The following ADGRV1 variants were observed in gnomAD, a reference collection of about 807,000 sequenced individuals.
ADGRV1 encodes the protein adhesion G protein-coupled receptor V1.
Under a neutral mutation model 596.2 loss-of-function variants are expected in ADGRV1, and 359 were observed. The ratio of observed to expected loss-of-function variants is 0.60; its 90% confidence interval spans 0.55 to 0.66. The LOEUF (loss-of-function observed/expected upper bound fraction) is 0.66. Ranked by LOEUF, ADGRV1 falls within the 30% of genes least tolerant of loss-of-function variation. The probability of loss-of-function intolerance (pLI) is 0.00; values close to 1 mark genes in which losing one functional copy is unlikely to be tolerated. For missense variants in ADGRV1, 7,274 were observed against 7,575.6 expected (o/e 0.96, Z 1.48); for synonymous variants, 2,681 against 2,679.2 (o/e 1.00, Z -0.02).
rs886506201 is a variant in ADGRV1 at position 90,776,832 on chromosome 5, T to G, written c.12527+256T>G. ...CACAAATTACACCAAGGAAAGCACATGGAGTTGAGATCAGAAAATCTATGT... is the reference window on the plus strand; with the variant it reads ...CACAAATTACACCAAGGAAAGCACAGGGAGTTGAGATCAGAAAATCTATGT... On this transcript the variant is annotated intron_variant, in intron 61 of 89. Coordinates refer to ENST00000405460, the MANE Select transcript of ADGRV1 (RefSeq NM_032119.4). 2.0e-5 allele frequency among the ~76,000 whole-genome samples: 3 copies of G among 152,142 alleles called. No homozygotes were observed. In the East Asian group the frequency reaches 5.8e-4, roughly 29 times the overall value.
At chr5:91,135,727 C>G (rs1242356830) in intron 87 of ADGRV1, among the ~76,000 whole-genome samples, 1 of 152,122 alleles carries the variant, frequency 6.6e-6, no homozygotes, top group Non-Finnish European at 1.5e-5. Context: ...TGCAGGGCAC[C>G]ATGCTGGGCT....
intron 1 of ADGRV1, among the ~76,000 whole-genome samples, chr5:90,608,208 T>C (rs1174557077): frequency 2.0e-5 from 3 of 152,018 alleles, no homozygotes; most frequent in Non-Finnish European, 4.4e-5. Context: ...TGTGAAATAA[T>C]AGGAGTTCTA....
Position 90,643,996 on chromosome 5 carries a change from G to C in ADGRV1, c.2734+13G>C. ...GCTATCTATAGTGGTAATTTATTCT[G>C]TGTCTTATATTGTATTTCTGTTTAC... On this transcript the variant is annotated intron_variant, in intron 14 of 89. Coordinates refer to ENST00000405460, the MANE Select transcript of ADGRV1 (RefSeq NM_032119.4). The C allele has an allele frequency of 6.6e-7, 1 of 1,523,992 alleles. No homozygotes were observed. Among genetic ancestry groups the C allele is most frequent in the Non-Finnish European group, 9.0e-7 (1 of 1,116,098 alleles). The allele number at this position is 1,523,992 out of a possible 1,614,324, so 94.4% of individuals were successfully genotyped here.
intron 1 of ADGRV1, among the ~76,000 whole-genome samples, chr5:90,596,869 G>C (rs1456664424): frequency 6.6e-6 from 1 of 152,174 alleles, no homozygotes; most frequent in Admixed American, 6.5e-5. Flanking sequence ...GGGAGAGTGA[G>C]AGCTCTGGCA....
At chr5:90,755,581 G>C (rs1305538115) in intron 55 of ADGRV1, among the ~76,000 whole-genome samples, 14 of 151,768 alleles carry the variant, frequency 9.2e-5, no homozygotes. Flanking sequence ...TTCCTTTCAT[G>C]ATATGATTAC....
chr5:90,815,665 G>T lies in ADGRV1; in HGVS notation c.16125G>T (p.Gln5375His). 1 of 1,580,274 alleles carries T rather than the reference G, an allele frequency of 6.3e-7. No individual in the cohort carries two copies. Among genetic ancestry groups the T allele is most frequent in the South Asian group, 1.2e-5 (1 of 85,854 alleles). ...NGIIGFSEES[Q>H]SGLELREGAV... ...TCATAGGATTCAGTGAGGAGTCCCA[G>T]AGTGGACTAGAACTCAGGGAAGGAG... Residue 5375 changes from glutamine (Q) to histidine (H), a missense_variant, in exon 75 of 90, where the codon CAG becomes CAT. By Grantham distance (24) the Gln-to-His change is conservative (BLOSUM62 0). This residue lies in a region of ADGRV1 where 1,874 missense variants were observed against 1,970.2 expected (regional missense o/e 0.95). Coordinates refer to ENST00000405460, the MANE Select transcript of ADGRV1 (RefSeq NM_032119.4).
At chr5:91,119,839 G>A (rs1357894500) in intron 87 of ADGRV1, among the ~76,000 whole-genome samples, 1 of 152,164 alleles carries the variant, frequency 6.6e-6, no homozygotes, top group Admixed American at 6.5e-5. Flanking sequence ...ACTAGCACAA[G>A]TCTTTTCCAG....
intron 17 of ADGRV1, among the ~76,000 whole-genome samples, chr5:90,650,745 C>T (rs1480217840): frequency 6.6e-6 from 1 of 151,786 alleles, no homozygotes; most frequent in Admixed American, 6.6e-5. Flanking sequence ...GTGTGTGTCC[C>T]AATATAATAT....
intron 70 of ADGRV1, chr5:90,792,355 C>G (rs2443069): frequency 6.6e-6 from 1 of 152,124 alleles, no homozygotes; most frequent in African/African-American, 2.4e-5. Flanking sequence ...CTATCATTTC[C>G]GGATAAGCAA....
At chr5:90,625,408 C>A in intron 6 of ADGRV1, 165 bp downstream of exon 6, 1 of 486,316 alleles carries the variant, frequency 2.1e-6, no homozygotes, top group Non-Finnish European at 3.7e-6. Flanking sequence ...CATTAAATTA[C>A]ACATCTAAAA....
At chr5:90,575,344 C>T (rs970573924) in intron 1 of ADGRV1, among the ~76,000 whole-genome samples, 3 of 152,060 alleles carry the variant, frequency 2.0e-5, no homozygotes, top group African/African-American at 4.8e-5. Flanking sequence ...ACCTTTGCCT[C>T]CCGGATTCAA....
At chr5:90,574,977 T>C (rs934977276) in intron 1 of ADGRV1, among the ~76,000 whole-genome samples, 1 of 152,172 alleles carries the variant, frequency 6.6e-6, no homozygotes, top group Non-Finnish European at 1.5e-5. Context: ...ATCTTCTCTT[T>C]CTGTTTCTTT....
chr5:90,783,513 A>G (rs1371882473), intron 66 of ADGRV1, among the ~76,000 whole-genome samples, 188 bp downstream of exon 66: 1 of 151,932 alleles, frequency 6.6e-6, no homozygotes, highest in Non-Finnish European at 1.5e-5. Flanking sequence ...TGCATATGTC[A>G]CTTCATTTCA....
At position 90,693,971 on chromosome 5, in the gene ADGRV1, A is replaced by C; in HGVS notation, c.7215A>C (p.Gln2405His). 6.2e-7 allele frequency: 1 copy of C among 1,611,358 alleles called. No individual in the cohort carries two copies. The highest frequency in any genetic ancestry group is 8.5e-7 in the Non-Finnish European group (1 of 1,177,982). Residue 2405 changes from glutamine (Q) to histidine (H), a missense_variant, in exon 33 of 90, where the codon CAA becomes CAC. Physicochemically the swap from Gln to His is conservative, Grantham distance 24. Transcript: ENST00000405460. ...DVVALAMEEG[Q>H]DLLSYYESPI... is the part of the protein sequence containing the mutation. ...TGGCTCTGGCAATGGAGGAAGGTCAAGATTTACTGTCCTACTATGAATCTC... is the reference window on the plus strand; with the variant it reads ...TGGCTCTGGCAATGGAGGAAGGTCACGATTTACTGTCCTACTATGAATCTC...
At chr5:90,939,851 T>A (rs1195280273) in intron 83 of ADGRV1, among the ~76,000 whole-genome samples, 1 of 152,192 alleles carries the variant, frequency 6.6e-6, no homozygotes, top group Non-Finnish European at 1.5e-5. Flanking sequence ...TGTGGCCTCA[T>A]GTGGAAAATA....
chr5:90,900,397 T>C (rs1324042971), intron 83 of ADGRV1, among the ~76,000 whole-genome samples: 1 of 151,774 alleles, frequency 6.6e-6, no homozygotes, highest in Non-Finnish European at 1.5e-5. Context: ...GGTTTGTATA[T>C]CAAAACAAAT....
chr5:90,988,975 A>AT (rs1715750021), intron 85 of ADGRV1, among the ~76,000 whole-genome samples: 1 of 151,786 alleles, frequency 6.6e-6, no homozygotes, highest in African/African-American at 2.4e-5. Flanking sequence ...TGAACTCATC[A>AT]TTTTTTATGG....
intron 86 of ADGRV1, among the ~76,000 whole-genome samples, chr5:91,074,054 C>T (rs1037383187): frequency 1.3e-5 from 2 of 152,182 alleles, no homozygotes; most frequent in Non-Finnish European, 2.9e-5. Context: ...AAAAAATATT[C>T]AATGTATAAA....
intron 87 of ADGRV1, among the ~76,000 whole-genome samples, chr5:91,113,207 G>A (rs1792533600): frequency 6.6e-6 from 1 of 152,112 alleles, no homozygotes; most frequent in African/African-American, 2.4e-5. Context: ...GCTCAAGCAG[G>A]TAACTTCTAT....
Sources: gnomAD v4.1 joint callset for allele counts (sites outside exome capture counted in the v4.1 genomes callset) on GRCh38, gnomAD v4.1.1 for gene constraint, gnomAD v4.1.1 regional missense constraint, MANE v1.5 for transcripts, NCBI Gene and HGNC (gene_info 2026-07-23, HGNC 2026-07-21) for gene names.